The following PXDC1 variants were observed in gnomAD, a reference collection of about 807,000 sequenced individuals.
PXDC1 encodes the protein PX domain-containing protein 1.
A neutral mutation model predicts 24.4 loss-of-function variants in PXDC1; 13 were observed. That is an observed-to-expected ratio of 0.53 (90% CI 0.35 to 0.85). The LOEUF (loss-of-function observed/expected upper bound fraction) is 0.85. Among genes scored for constraint, PXDC1 ranks in the 40% least tolerant of loss-of-function variants. The pLI is 0.01. For missense variants in PXDC1, 344 were observed against 309.3 expected (o/e 1.11, Z -0.84); for synonymous variants, 162 against 124.9 (o/e 1.30, Z -1.98).
rs887260512 is a variant in PXDC1, at chr6:3,737,569, C to T, written c.349-373G>A. On this transcript the variant is annotated intron_variant, in intron 2 of 4. Coordinates refer to ENST00000380283, the MANE Select transcript of PXDC1 (RefSeq NM_183373.4). This position sits in a 1 kb window ranked among gnomAD's most constrained non-coding sequence, Gnocchi z 5.5. ...GAGCTAAGGAGGTCTGCCTGGCGCT[C>T]AAGTCCAGGTTCTTAACCACCACTC... The T allele has an allele frequency of 1.4e-5, 10 of 736,020 alleles. No individual in the cohort carries two copies. The highest frequency in any genetic ancestry group is 1.7e-5 in the Non-Finnish European group (10 of 602,150). 45.6% of individuals were successfully genotyped at this position (736,020 alleles called of 1,614,324 possible). A position where few individuals can be genotyped will look rare whatever the true frequency, so the allele number is the denominator to read the frequency against.
intron 1 of PXDC1, among the ~76,000 whole-genome samples, chr6:3,747,140 C>G (rs1760589058): frequency 6.6e-6 from 1 of 152,098 alleles, no homozygotes. Flanking sequence ...CCCCCTCCCC[C>G]ATGTCAACTC....
intron 1 of PXDC1, among the ~76,000 whole-genome samples, chr6:3,750,725 G>A (rs1043160232): frequency 3.3e-5 from 5 of 152,166 alleles, no homozygotes; most frequent in African/African-American, 1.2e-4. Context: ...GCAGCCGCGG[G>A]CGGGGCGGCC....
intron 3 of PXDC1, among the ~76,000 whole-genome samples, chr6:3,734,027 C>T (rs977696761): frequency 1.3e-5 from 2 of 152,224 alleles, no homozygotes; most frequent in African/African-American, 4.8e-5. Context: ...CTTCCTAGAC[C>T]TGGACACTGC....
intron 3 of PXDC1, among the ~76,000 whole-genome samples, chr6:3,729,526 C>G (rs747219154): frequency 2.6e-5 from 4 of 152,216 alleles, no homozygotes; most frequent in Non-Finnish European, 4.4e-5. Context: ...CTCTGCGAAG[C>G]AAAGAGGAAT....
In PXDC1 at chr6:3,724,598, G is replaced by A. The variant is rs548641363; in HGVS notation, c.579-862C>T. Among the ~76,000 whole-genome samples, 10 of 152,282 alleles carry A rather than the reference G, an allele frequency of 6.6e-5. No individual in the cohort carries two copies. The highest frequency in any genetic ancestry group is 3.9e-4 in the East Asian group (2 of 5,168). On this transcript the variant is annotated intron_variant, in intron 4 of 4. Transcript: ENST00000380283. The surrounding 1 kb of genome is among the most constrained non-coding windows in gnomAD (Gnocchi z 4.5). ...TGAATCAGCCCAAACCCAGCAGGCC[G>A]CGTGGGAGTGTGGACAGAGGCAAGC...
rs1397375482 is a variant in PXDC1, at chr6:3,724,308, G to A, written c.579-572C>T. On this transcript the variant is annotated intron_variant, in intron 4 of 4. Transcript: ENST00000380283. The surrounding 1 kb of genome is among the most constrained non-coding windows in gnomAD (Gnocchi z 4.5). ...TCATTCGCGCTCTGGCAGATGAGAA[G>A]CATCCGAACATGGGGGACTTACATG... Among the ~76,000 whole-genome samples, 1 of 152,130 alleles carries A rather than the reference G, an allele frequency of 6.6e-6. No individual in the cohort carries two copies. Among genetic ancestry groups the A allele is most frequent in the Non-Finnish European group, 1.5e-5 (1 of 68,024 alleles).
rs1040390838 is a variant in PXDC1 at position 3,725,681 on chromosome 6, G to A, written c.578+1870C>T. On this transcript the variant is annotated intron_variant, in intron 4 of 4. Coordinates refer to ENST00000380283, the MANE Select transcript of PXDC1 (RefSeq NM_183373.4). This position sits in a 1 kb window ranked among gnomAD's most constrained non-coding sequence, Gnocchi z 4.8. ...CTCCAGTTCCACAAAGGGTGTCTGTGCTCTTGGTCGCTGTCAACCCCCCAC... is the reference window on the plus strand; with the variant it reads ...CTCCAGTTCCACAAAGGGTGTCTGTACTCTTGGTCGCTGTCAACCCCCCAC... 6.6e-6 allele frequency among the ~76,000 whole-genome samples: 1 copy of A among 152,212 alleles called. No homozygotes were observed. Among genetic ancestry groups the A allele is most frequent in the Non-Finnish European group, 1.5e-5 (1 of 68,028 alleles).
rs1207399057 is a variant in PXDC1 at position 3,740,476 on chromosome 6, C to T, written c.257-2328G>A. On this transcript the variant is annotated intron_variant, in intron 1 of 4. Transcript: ENST00000380283. Reference sequence around the variant, plus strand: ...TGACATTCAAACTTAACTTTGGGTCCGGTATTTTATCTGCCTACGCTATCT... The same window carrying T: ...TGACATTCAAACTTAACTTTGGGTCTGGTATTTTATCTGCCTACGCTATCT... Among the ~76,000 whole-genome samples the T allele has an allele frequency of 6.6e-5, 10 of 152,296 alleles. No homozygotes were observed. The East Asian group carries it at 1.7e-3, about 26-fold the overall frequency.
At chr6:3,727,763 T>G in intron 3 of PXDC1, 101 bp from the exon 4 acceptor site, 1 of 746,230 alleles carries the variant, frequency 1.3e-6, no homozygotes, top group Non-Finnish European at 2.3e-6. Context: ...CCTCCACCTG[T>G]TGCCCGTGCC....
Position 3,728,908 on chromosome 6 carries a change from G to A in PXDC1, c.467-1246C>T, listed in dbSNP as rs1033802150. Among the ~76,000 whole-genome samples, 2 of 152,174 alleles carry A rather than the reference G, an allele frequency of 1.3e-5. No individual in the cohort carries two copies. Among genetic ancestry groups the A allele is most frequent in the African/African-American group, 2.4e-5 (1 of 41,442 alleles). ...GCTCATCTCCTAACCACAGCTCTAA[G>A]ACCAGGACCACCTTCATCTGTTCTT... On this transcript the variant is annotated intron_variant, in intron 3 of 4. Coordinates refer to ENST00000380283, the MANE Select transcript of PXDC1 (RefSeq NM_183373.4). This position sits in a 1 kb window ranked among gnomAD's most constrained non-coding sequence, Gnocchi z 4.0.
chr6:3,730,579 T>G (rs1760173213), intron 3 of PXDC1, among the ~76,000 whole-genome samples: 1 of 151,698 alleles, frequency 6.6e-6, no homozygotes, highest in African/African-American at 2.4e-5. Context: ...GGACCACTGG[T>G]TTAAGGAGAT....
In PXDC1 at chr6:3,751,377, T is replaced by TA; in HGVS notation, c.154dup (p.Tyr52LeufsTer50). The TA allele has an allele frequency of 1.3e-6, 2 of 1,564,530 alleles. 1 individual carries two copies. Among genetic ancestry groups the TA allele is most frequent in the East Asian group, 4.8e-5 (2 of 41,900 alleles). ...CAGGTCCGCCAGGCTGCGGTGCAGG[T>TA]AGAGCACGCTGCGGTCCGACCACTC... is the stretch of plus-strand genomic sequence containing the variant. On this transcript the variant is annotated frameshift_variant, in exon 1 of 5. Transcript: ENST00000380283. LOFTEE classifies it high-confidence loss of function.
At chr6:3,750,866 C>T (rs958992621) in intron 1 of PXDC1, among the ~76,000 whole-genome samples, 19 of 152,154 alleles carry the variant, frequency 1.2e-4, no homozygotes, top group African/African-American at 4.1e-4. Context: ...CAGTTAACTG[C>T]TCCCAGACGC....
intron 1 of PXDC1, among the ~76,000 whole-genome samples, chr6:3,749,737 C>CA (rs1760656554): frequency 6.6e-6 from 1 of 152,078 alleles, no homozygotes; most frequent in Admixed American, 6.5e-5. Flanking sequence ...TCACAAACGT[C>CA]AGAGACCACA....
rs1358843292 is a variant in PXDC1, at chr6:3,724,238, G to C, written c.579-502C>G. 1.3e-5 allele frequency among the ~76,000 whole-genome samples: 2 copies of C among 151,844 alleles called. No homozygotes were observed. Among genetic ancestry groups the C allele is most frequent in the South Asian group, 2.1e-4 (1 of 4,790 alleles). Reference sequence around the variant, plus strand: ...CCGGCGAGGCCCGTGGAGGTCACGGGGGGAGACACCTTCTAGCGGGGAAGC... The same window carrying C: ...CCGGCGAGGCCCGTGGAGGTCACGGCGGGAGACACCTTCTAGCGGGGAAGC... On this transcript the variant is annotated intron_variant, in intron 4 of 4. Transcript: ENST00000380283. This position sits in a 1 kb window ranked among gnomAD's most constrained non-coding sequence, Gnocchi z 4.5.
Position 3,737,818 on chromosome 6 carries a change from C to G in PXDC1, c.348+239G>C, listed in dbSNP as rs1031782856. The G allele has an allele frequency of 1.5e-5, 7 of 462,340 alleles. No homozygotes were observed. Among genetic ancestry groups the G allele is most frequent in the African/African-American group, 2.1e-5 (1 of 47,052 alleles). The allele number at this position is 462,340 out of a possible 1,614,324, so 28.6% of individuals were successfully genotyped here. A position where few individuals can be genotyped will look rare whatever the true frequency, so the allele number is the denominator to read the frequency against. ...TGCCTCCTTGCATCCCTCATTTTCA[C>G]TCTTTCCCCAGGGAGGAAAAACCGG... On this transcript the variant is annotated intron_variant, in intron 2 of 4. Transcript: ENST00000380283. The surrounding 1 kb of genome is among the most constrained non-coding windows in gnomAD (Gnocchi z 5.5).
chr6:3,723,426 G>A lies in PXDC1; in HGVS notation c.*193C>T, dbSNP rs1759984122. The stretch of plus-strand genomic sequence containing the variant: ...GTGACCTCAGCTTGCTGGAGACTCT[G>A]CGGTCAGCCTGGCCCACTAGGAGCC... On this transcript the variant is annotated 3_prime_UTR_variant, in exon 5 of 5. Coordinates refer to ENST00000380283, the MANE Select transcript of PXDC1 (RefSeq NM_183373.4). 1.6e-6 allele frequency: 1 copy of A among 611,738 alleles called. No individual in the cohort carries two copies. Among genetic ancestry groups the A allele is most frequent in the African/African-American group, 1.8e-5 (1 of 54,380 alleles). 37.9% of individuals were successfully genotyped at this position (611,738 alleles called of 1,614,324 possible).
In PXDC1 at chr6:3,725,449, C is replaced by T. The variant is rs1760041727; in HGVS notation, c.579-1713G>A. Among the ~76,000 whole-genome samples, 1 of 152,234 alleles carries T rather than the reference C, an allele frequency of 6.6e-6. No individual in the cohort carries two copies. Among genetic ancestry groups the T allele is most frequent in the South Asian group, 2.1e-4 (1 of 4,836 alleles). Reference sequence around the variant, plus strand: ...CCAGAAGTCCCCACTGGCCCCATCTCTATCAGATACATCCATTCCCTGAGT... The same window carrying T: ...CCAGAAGTCCCCACTGGCCCCATCTTTATCAGATACATCCATTCCCTGAGT... On this transcript the variant is annotated intron_variant, in intron 4 of 4. Coordinates refer to ENST00000380283, the MANE Select transcript of PXDC1 (RefSeq NM_183373.4). This position sits in a 1 kb window ranked among gnomAD's most constrained non-coding sequence, Gnocchi z 4.8.
At chr6:3,733,830 C>T (rs1158130471) in intron 3 of PXDC1, among the ~76,000 whole-genome samples, 3 of 152,218 alleles carry the variant, frequency 2.0e-5, no homozygotes, top group African/African-American at 7.2e-5. Context: ...CCAGCCCCCA[C>T]CTGACCCCTT....
Sources: gnomAD v4.1 joint callset for allele counts (sites outside exome capture counted in the v4.1 genomes callset) on GRCh38, gnomAD v4.1.1 for gene constraint, Gnocchi (gnomAD v3.1) non-coding constraint, MANE v1.5 for transcripts, NCBI Gene and HGNC (gene_info 2026-07-23, HGNC 2026-07-21) for gene names.